The following EIF2B5 variants were observed in gnomAD, a reference collection of about 807,000 sequenced individuals.
The protein encoded by EIF2B5 is eukaryotic translation initiation factor 2B subunit epsilon.
EIF2B5 carries 38 observed loss-of-function variants against 87.3 expected under a neutral mutation model. That is an observed-to-expected ratio of 0.44 (90% confidence interval 0.34 to 0.57). EIF2B5 has a LOEUF of 0.57. EIF2B5 is among the 20% of genes least tolerant of loss of function. The pLI, the probability that EIF2B5 is intolerant of heterozygous loss-of-function variation, is 0.02. For missense variants in EIF2B5, 784 were observed against 909.5 expected, an observed-to-expected ratio of 0.86 and a Z score of 1.78; for synonymous variants, 313 against 339.6, an observed-to-expected ratio of 0.92 and a Z score of 0.86.
chr3:184,145,012 A>G lies in EIF2B5; in HGVS notation c.*69A>G. ...GGCTCCTGGGCTGGGACAAGTGAGG[A>G]ACTAGCTGCAGAGGGATGAGTGACC... On this transcript the variant is annotated 3_prime_UTR_variant, in exon 16 of 16. Transcript: ENST00000648915. The surrounding 1 kb of genome is among the most constrained non-coding windows in gnomAD (Gnocchi z 4.0). 2.1e-6 allele frequency: 3 copies of G among 1,444,604 alleles called. No homozygotes were observed. The highest frequency in any genetic ancestry group is 2.9e-6 in the Non-Finnish European group (3 of 1,032,358). 89.5% of individuals were successfully genotyped at this position (1,444,604 alleles called of 1,614,324 possible). A position where few individuals can be genotyped will look rare whatever the true frequency, so the allele number is the denominator to read the frequency against.
chr3:184,142,526 C>G lies in EIF2B5; in HGVS notation c.1469C>G (p.Ala490Gly), dbSNP rs1488840273. The change falls in exon 10 of 16, where the codon GCT (alanine) becomes GGT (glycine). Residue 490 changes from alanine (A) to glycine (G), a missense_variant. Ala to Gly is a moderately conservative substitution (Grantham distance 60, BLOSUM62 0). Transcript: ENST00000648915. The surrounding 1 kb of genome is among the most constrained non-coding windows in gnomAD (Gnocchi z 5.0). ...MKGYNPAEVG[A>G]AGKGYLWKAA... ...GGTTACAATCCAGCAGAAGTAGGAG[C>G]TGCTGGCAAGGGCTACCTCTGGAAA... 8 of 1,614,036 alleles carry G rather than the reference C, an allele frequency of 5.0e-6. No individual in the cohort carries two copies. Among genetic ancestry groups the G allele is most frequent in the Non-Finnish European group, 6.8e-6 (8 of 1,180,038 alleles).
intron 5 of EIF2B5, chr3:184,138,962 G>T (rs115174809): frequency 0.012 from 2,837 of 230,092 alleles, 80 homozygotes; most frequent in African/African-American, 0.06. Flanking sequence ...AGTTTTTTTT[G>T]TTGTTGTTGT....
rs1469134415 is a variant in EIF2B5, at chr3:184,138,026, T to C, written c.635T>C (p.Val212Ala). ...VVAVDSTTNR[V>A]LHFQKTQGLR... The stretch of plus-strand genomic sequence containing the variant: ...GCTGTGGATAGTACCACAAACAGGG[T>C]TCTCCATTTTCAGAAGACCCAGGGT... The change falls in exon 4 of 16, where the codon GTT (valine) becomes GCT (alanine). Residue 212 changes from valine (V) to alanine (A), a missense_variant. Physicochemically the swap from Val to Ala is moderately conservative, Grantham distance 64 (BLOSUM62 0). This residue lies in a region of EIF2B5 where 660 missense variants were observed against 789.5 expected (regional missense o/e 0.84). Coordinates refer to ENST00000648915, the MANE Select transcript of EIF2B5 (RefSeq NM_003907.3). 6.2e-7 allele frequency: 1 copy of C among 1,614,028 alleles called. No individual in the cohort carries two copies. The highest frequency in any genetic ancestry group is 1.7e-5 in the Admixed American group (1 of 60,016).
intron 1 of EIF2B5, chr3:184,135,900 C>G (rs375417987): frequency 7.1e-6 from 3 of 420,644 alleles, no homozygotes; most frequent in Admixed American, 4.1e-5. Context: ...TTAACCTTGC[C>G]GATGACGGTT....
intron 2 of EIF2B5, 109 bp from the exon 3 acceptor site, chr3:184,137,511 A>C: frequency 1.8e-6 from 2 of 1,140,970 alleles, no homozygotes; most frequent in Non-Finnish European, 2.6e-6. Flanking sequence ...AAGAACCCAA[A>C]AAAGCCATCG....
intron 2 of EIF2B5, chr3:184,137,057 A>G (rs564680181): frequency 7.9e-6 from 3 of 381,700 alleles, no homozygotes; most frequent in Admixed American, 8.7e-5. Context: ...TTGTTTTCCC[A>G]CTGAGTTTCT....
At chr3:184,139,392 T>A (rs1346261376) in intron 5 of EIF2B5, among the ~76,000 whole-genome samples, 1 of 137,548 alleles carries the variant, frequency 7.3e-6, no homozygotes, top group Non-Finnish European at 1.5e-5. Context: ...GCAATTCCCC[T>A]GCCTCAGCCT....
At chr3:184,140,778 TG>T (rs747523829) in intron 7 of EIF2B5, 48 bp downstream of exon 7, 10 of 1,605,092 alleles carry the variant, frequency 6.2e-6, no homozygotes, top group South Asian at 2.2e-5. Context: ...AACAGGAACC[TG>T]GGGGGGCCAC....
chr3:184,137,302 G>T, intron 2 of EIF2B5: 1 of 448,578 alleles, frequency 2.2e-6, no homozygotes, highest in Non-Finnish European at 4.1e-6. Flanking sequence ...GAAAGCTGAC[G>T]TGAAGCGTGT....
rs1210090903 is a variant in EIF2B5 at position 184,136,645 on chromosome 3, G to A, written c.229G>A (p.Asp77Asn). Reference protein sequence around the residue: ...LLPLANVALIDYTLEFLTATG... With the variant: ...LLPLANVALINYTLEFLTATG... ...GCCCCTGGCCAATGTGGCATTAATT[G>A]ACTACACTCTGGAATTCCTGACTGC... The change falls in exon 2 of 16, where the codon GAC becomes AAC. Residue 77 changes from aspartate to asparagine, a missense_variant. Asp to Asn is a conservative substitution (Grantham distance 23). This residue lies in a region of EIF2B5 where 7 missense variants were observed against 19.1 expected (regional missense o/e 0.37). Transcript: ENST00000648915. The A allele has an allele frequency of 6.2e-7, 1 of 1,614,090 alleles. No individual in the cohort carries two copies. Among genetic ancestry groups the A allele is most frequent in the Non-Finnish European group, 8.5e-7 (1 of 1,180,030 alleles).
chr3:184,141,390 G>A (rs1420896508), intron 7 of EIF2B5, among the ~76,000 whole-genome samples: 1 of 152,104 alleles, frequency 6.6e-6, no homozygotes, highest in South Asian at 2.1e-4. Flanking sequence ...GCAACATAGC[G>A]ACACCCCTTC....
rs1168840173 is a variant in EIF2B5 at position 184,144,244 on chromosome 3, C to T, written c.1995+20C>T. The T allele has an allele frequency of 1.4e-5, 23 of 1,613,464 alleles. No homozygotes were observed. Among genetic ancestry groups the T allele is most frequent in the Non-Finnish European group, 1.8e-5 (21 of 1,180,040 alleles). On this transcript the variant is annotated intron_variant, in intron 14 of 15. Transcript: ENST00000648915. The stretch of plus-strand genomic sequence containing the variant: ...GCCAAGGTGAATATGACCTCAAGCC[C>T]CATTCTTCTGCACTTGCTTTCAAAC...
In EIF2B5 at chr3:184,141,914, T is replaced by C. The variant is rs757876754; in HGVS notation, c.1157-11T>C. The stretch of plus-strand genomic sequence containing the variant: ...CCTGAGTTACCCAGAGGTCTTCCCA[T>C]CCTGAGCCAGGTGATAACGTGGTGC... On this transcript the variant is annotated splice_polypyrimidine_tract_variant and intron_variant, in intron 7 of 15. Transcript: ENST00000648915. The C allele has an allele frequency of 6.2e-7, 1 of 1,613,948 alleles. No homozygotes were observed.
intron 5 of EIF2B5, among the ~76,000 whole-genome samples, chr3:184,139,270 ATTTTTTTTT>A (rs1196978595): frequency 6.9e-4 from 33 of 48,018 alleles, no homozygotes; most frequent in African/African-American, 2.5e-3. Context: ...TGCACCCAGC[ATTTTTTTTT>A]TTTTTTTTTT....
chr3:184,138,893 C>A, intron 5 of EIF2B5: 1 of 297,484 alleles, frequency 3.4e-6, no homozygotes, highest in South Asian at 2.5e-5. Context: ...AACTCCTGAG[C>A]TCAAGCAATC....
intron 13 of EIF2B5, chr3:184,143,808 G>C (rs1171291744): frequency 1.5e-6 from 1 of 674,750 alleles, no homozygotes; most frequent in East Asian, 2.8e-5. Context: ...ATTCAGAATG[G>C]ACCTGGACAT....
chr3:184,140,213 C>T (rs1713563120), intron 6 of EIF2B5, 56 bp downstream of exon 6: 1 of 1,549,068 alleles, frequency 6.5e-7, no homozygotes, highest in Non-Finnish European at 8.9e-7. Context: ...ATGATTGTAT[C>T]TCATGCTGGT....
chr3:184,143,604 C>A (rs1201315885), intron 13 of EIF2B5, 39 bp downstream of exon 13: 2 of 1,614,014 alleles, frequency 1.2e-6, no homozygotes, highest in South Asian at 2.2e-5. Context: ...GGATTGGGTA[C>A]AGGCAAAGGA....
intron 5 of EIF2B5, among the ~76,000 whole-genome samples, chr3:184,138,612 CCCAAAGTGCTGGGATTACAGGCATGAG>C (rs1713471346): frequency 6.6e-6 from 1 of 151,932 alleles, no homozygotes; most frequent in African/African-American, 2.4e-5. Flanking sequence ...GTCTCAGCCT[CCCAAAGTGCTGGGATTACAGGCATGAG>C]CCACCACACC....
Sources: allele counts gnomAD v4.1 joint callset (sites outside exome capture counted in the v4.1 genomes callset), GRCh38; gene constraint gnomAD v4.1.1; regional missense constraint gnomAD v4.1.1; non-coding constraint Gnocchi (gnomAD v3.1); transcripts MANE v1.5; gene names NCBI Gene and HGNC (gene_info 2026-07-23, HGNC 2026-07-21).